The following RGS9 variants were observed in gnomAD, a reference collection of about 807,000 sequenced individuals.
The protein encoded by RGS9 is regulator of G-protein signalling 9.
In RGS9, 78 loss-of-function variants were observed where a neutral mutation model predicts 102.0. The ratio of observed to expected loss-of-function variants is 0.76; its 90% CI spans 0.64 to 0.92. The LOEUF (loss-of-function observed/expected upper bound fraction) is 0.92. RGS9 is among the 40% of genes least tolerant of loss of function. RGS9 has a pLI of 0.00. For synonymous variants in RGS9, 353 were observed against 318.6 expected (o/e 1.11, Z -1.15); for missense variants, 833 against 866.1 (o/e 0.96, Z 0.48).
chr17:65,195,854 C>T (rs1054270438), intron 12 of RGS9, among the ~76,000 whole-genome samples: 3 of 152,216 alleles, frequency 2.0e-5, no homozygotes, highest in Non-Finnish European at 2.9e-5. Flanking sequence ...TGGTTTACAG[C>T]GTTGATTCCC....
In RGS9 at chr17:65,168,371, T is replaced by C. The variant is rs1911279344; in HGVS notation, c.582+90T>C. 86 of 870,250 alleles carry C rather than the reference T, an allele frequency of 9.9e-5. 2 individuals carry two copies. In the South Asian group the frequency reaches 1.2e-3, roughly 12 times the overall value. 53.9% of individuals were successfully genotyped at this position (870,250 alleles called of 1,614,324 possible). A position where few individuals can be genotyped will look rare whatever the true frequency, so the allele number is the denominator to read the frequency against. On this transcript the variant is annotated intron_variant, in intron 8 of 18. Transcript: ENST00000262406. ...TCCATACCTGTTGCCAACTCCTCTT[T>C]CTCTAGGGCGAGAATTGGATCAGCA...
chr17:65,154,308 G>A (rs1910690615), intron 2 of RGS9, among the ~76,000 whole-genome samples: 1 of 152,050 alleles, frequency 6.6e-6, no homozygotes, highest in African/African-American at 2.4e-5. Flanking sequence ...CTCCCACAAA[G>A]CTGAAATGTT....
intron 1 of RGS9, among the ~76,000 whole-genome samples, chr17:65,138,959 C>CCTCCCCTCCTT (rs1910019602): frequency 1.4e-5 from 2 of 145,884 alleles, no homozygotes; most frequent in South Asian, 2.2e-4. Context: ...TCCTCCCCAG[C>CCTCCCCTCCTT]CACCCCTCCT....
At position 65,197,243 on chromosome 17, in the gene RGS9, T is replaced by C. The variant is rs199537336; in HGVS notation, c.976+2T>C. 48 of 1,577,804 alleles carry C rather than the reference T, an allele frequency of 3.0e-5. No homozygotes were observed. Among genetic ancestry groups the C allele is most frequent in the Non-Finnish European group, 4.2e-5 (48 of 1,148,158 alleles). ...ACTTCCTCAAGAAAGAATTCAGTGG[T>C]GGGTCTTTGTTTACAAAAAAAAATT... On this transcript the variant is annotated splice_donor_variant, in intron 13 of 18. Coordinates refer to ENST00000262406, the MANE Select transcript of RGS9 (RefSeq NM_003835.4). LOFTEE classifies it high-confidence loss of function.
intron 3 of RGS9, 100 bp downstream of exon 3, chr17:65,158,445 C>T: frequency 1.8e-6 from 2 of 1,126,550 alleles, no homozygotes; most frequent in Non-Finnish European, 2.7e-6. Flanking sequence ...GAGAAATTTA[C>T]ATTTTAATTG....
At chr17:65,223,287 G>T (rs1050214760) in intron 17 of RGS9, among the ~76,000 whole-genome samples, 1 of 152,212 alleles carries the variant, frequency 6.6e-6, no homozygotes, top group Non-Finnish European at 1.5e-5. Context: ...CTGGGCGTGG[G>T]CCTGGCTTTT....
At chr17:65,145,768 T>C (rs1598555746) in intron 1 of RGS9, among the ~76,000 whole-genome samples, 1 of 152,192 alleles carries the variant, frequency 6.6e-6, no homozygotes, top group South Asian at 2.1e-4. Flanking sequence ...GACTTCAATG[T>C]ACGAATTTGT....
chr17:65,155,550 G>T (rs1047524099), intron 2 of RGS9, among the ~76,000 whole-genome samples: 2 of 152,096 alleles, frequency 1.3e-5, no homozygotes, highest in African/African-American at 4.8e-5. Flanking sequence ...TGTTTTGTTT[G>T]TTTGTTTTGA....
chr17:65,186,982 A>G (rs1272375009), intron 9 of RGS9, among the ~76,000 whole-genome samples: 1 of 152,066 alleles, frequency 6.6e-6, no homozygotes, highest in East Asian at 1.9e-4. Context: ...ATGTAAGTCC[A>G]CTCTGGCCCC....
rs117512250 is a variant in RGS9 at position 65,197,697 on chromosome 17, T to C, written c.976+456T>C. Among the ~76,000 whole-genome samples the C allele has an allele frequency of 4.1e-4, 62 of 151,546 alleles. No individual in the cohort carries two copies. The East Asian group carries it at 0.011, about 26-fold the overall frequency. On this transcript the variant is annotated intron_variant, in intron 13 of 18. Coordinates refer to ENST00000262406, the MANE Select transcript of RGS9 (RefSeq NM_003835.4). The stretch of plus-strand genomic sequence containing the variant: ...CTTTTTTTTTTTTCTGGAGACAGAG[T>C]CTTGCTGTGTCGCCCAGCCTGGAGT...
chr17:65,183,386 G>A (rs1404085008), intron 9 of RGS9, among the ~76,000 whole-genome samples: 1 of 152,130 alleles, frequency 6.6e-6, no homozygotes, highest in Non-Finnish European at 1.5e-5. Flanking sequence ...GACTCTCAAA[G>A]TGCTAGGATT....
rs748068065 is a variant in RGS9 at position 65,189,263 on chromosome 17, G to A, written c.655-23G>A. On this transcript the variant is annotated intron_variant, in intron 9 of 18. Coordinates refer to ENST00000262406, the MANE Select transcript of RGS9 (RefSeq NM_003835.4). ...AATGATTTCATGACATCTGCCTAAC[G>A]GTTTTGTTTCTTTGTCTTACAGAAA... The A allele has an allele frequency of 7.5e-6, 12 of 1,605,640 alleles. No individual in the cohort carries two copies. In the East Asian group the frequency reaches 8.9e-5, roughly 12 times the overall value.
chr17:65,157,909 G>A (rs538660340), intron 2 of RGS9, among the ~76,000 whole-genome samples: 106 of 152,034 alleles, frequency 7.0e-4, no homozygotes, highest in Middle Eastern at 3.4e-3. Context: ...GGTCTGTTTT[G>A]TGTGTGTGTA....
chr17:65,197,491 C>T (rs1289982702), intron 13 of RGS9, among the ~76,000 whole-genome samples: 1 of 152,098 alleles, frequency 6.6e-6, no homozygotes, highest in Non-Finnish European at 1.5e-5. Context: ...CATCAGGATC[C>T]CTCACATTTC....
At chr17:65,159,316 G>A (rs1353272423) in intron 3 of RGS9, among the ~76,000 whole-genome samples, 2 of 152,210 alleles carry the variant, frequency 1.3e-5, no homozygotes, top group Non-Finnish European at 2.9e-5. Flanking sequence ...CACGAAGCCT[G>A]TTTGGTGGTC....
chr17:65,194,959 C>T (rs1271102488), intron 12 of RGS9, among the ~76,000 whole-genome samples: 1 of 152,218 alleles, frequency 6.6e-6, no homozygotes, highest in East Asian at 1.9e-4. Flanking sequence ...CTCTGGGCAG[C>T]CAACAGGTTA....
At chr17:65,182,405 C>T (rs1016668843) in intron 9 of RGS9, among the ~76,000 whole-genome samples, 4 of 152,198 alleles carry the variant, frequency 2.6e-5, no homozygotes, top group South Asian at 2.1e-4. Flanking sequence ...TAGATGGCCA[C>T]GTTGACCTCC....
chr17:65,202,910 C>T (rs1321672719), intron 14 of RGS9, among the ~76,000 whole-genome samples: 1 of 152,178 alleles, frequency 6.6e-6, no homozygotes, highest in African/African-American at 2.4e-5. Flanking sequence ...CTGCAGTGGA[C>T]ATGAGTCCTG....
chr17:65,160,100 T>C lies in RGS9; in HGVS notation c.206-133T>C, dbSNP rs1361234332. On this transcript the variant is annotated intron_variant, in intron 3 of 18. Coordinates refer to ENST00000262406, the MANE Select transcript of RGS9 (RefSeq NM_003835.4). ...CCACAGCCAAGTTCAGCAACCAGTGTCCTCACTGCTCATGAGATGCAGTGC... is the reference window on the plus strand; with the variant it reads ...CCACAGCCAAGTTCAGCAACCAGTGCCCTCACTGCTCATGAGATGCAGTGC... The C allele has an allele frequency of 3.5e-5, 27 of 776,020 alleles. No homozygotes were observed. In the Admixed American group the frequency reaches 3.9e-4, roughly 11 times the overall value. The allele number at this position is 776,020 out of a possible 1,614,324, so 48.1% of individuals were successfully genotyped here.
Sources: gnomAD v4.1 joint callset for allele counts (sites outside exome capture counted in the v4.1 genomes callset) on GRCh38, gnomAD v4.1.1 for gene constraint, MANE v1.5 for transcripts, NCBI Gene and HGNC (gene_info 2026-07-23, HGNC 2026-07-21) for gene names.